The following TBL1XR1 variants were observed in gnomAD, a reference collection of about 807,000 sequenced individuals.
The protein encoded by TBL1XR1 is F-box-like/WD repeat-containing protein TBL1XR1.
In TBL1XR1, 5 loss-of-function variants were observed where a neutral mutation model predicts 66.9. The observed-to-expected ratio is 0.07, with a 90% CI of 0.04 to 0.16. The LOEUF is 0.16. Ranked by LOEUF, TBL1XR1 falls within the 10% of genes least tolerant of loss-of-function variation. The pLI, the probability that TBL1XR1 is intolerant of heterozygous loss-of-function variation, is 1.00. For synonymous variants in TBL1XR1, 210 were observed against 206.0 expected (o/e 1.02, Z -0.17); for missense variants, 238 against 623.2 (o/e 0.38, Z 6.58).
rs1034095118 is a variant in TBL1XR1, at chr3:177,112,800, C to T, written c.-121-14259G>A. ...CGGGCGGATCACGAAGTCAGGAGTTCGAAACCAGCCTGGCCAACATGGTGA... is the reference window on the plus strand; with the variant it reads ...CGGGCGGATCACGAAGTCAGGAGTTTGAAACCAGCCTGGCCAACATGGTGA... On this transcript the variant is annotated intron_variant, in intron 1 of 15. Coordinates refer to ENST00000457928, the MANE Select transcript of TBL1XR1 (RefSeq NM_024665.7). 1.2e-4 allele frequency among the ~76,000 whole-genome samples: 19 copies of T among 152,054 alleles called. No homozygotes were observed. In the South Asian group the frequency reaches 1.5e-3, roughly 12 times the overall value.
upstream of TBL1XR1, among the ~76,000 whole-genome samples, chr3:177,199,378 CCTT>C (rs369445788): frequency 3.0e-5 from 3 of 101,446 alleles, no homozygotes; most frequent in Admixed American, 9.8e-5. Context: ...ATAGTATCTT[CCTT>C]TTTTTTTTTT....
chr3:177,049,546 T>C lies in TBL1XR1; in HGVS notation c.702+451A>G, dbSNP rs142348002. ...CCTAAAAGGAAATTGGTAATAAAGT[T>C]CTACCAGTTCACAGAATACAGAGAA... On this transcript the variant is annotated intron_variant, in intron 7 of 15. Transcript: ENST00000457928. Among the ~76,000 whole-genome samples the C allele has an allele frequency of 5.2e-3, 799 of 152,274 alleles. 12 individuals are homozygous for C. The highest frequency in any genetic ancestry group is 0.019 in the African/African-American group (772 of 41,564).
chr3:177,105,388 C>T (rs993936273), intron 1 of TBL1XR1, among the ~76,000 whole-genome samples: 16 of 151,902 alleles, frequency 1.1e-4, no homozygotes, highest in African/African-American at 3.9e-4. Context: ...GAAACAGCAA[C>T]GAAGATCTAA....
chr3:177,089,804 G>T (rs1391490833), intron 2 of TBL1XR1, among the ~76,000 whole-genome samples: 1 of 152,182 alleles, frequency 6.6e-6, no homozygotes, highest in African/African-American at 2.4e-5. Flanking sequence ...GAATCTATCT[G>T]TGGAACAGTT....
intron 12 of TBL1XR1, among the ~76,000 whole-genome samples, chr3:177,034,556 A>G (rs1714496746): frequency 6.6e-6 from 1 of 152,164 alleles, no homozygotes; most frequent in Non-Finnish European, 1.5e-5. Flanking sequence ...ATTCACTATT[A>G]CAAAGTTTGA....
chr3:177,054,805 AG>A (rs1372794682), intron 3 of TBL1XR1, among the ~76,000 whole-genome samples: 1 of 152,208 alleles, frequency 6.6e-6, no homozygotes, highest in Non-Finnish European at 1.5e-5. Context: ...CCTGGTTTAT[AG>A]GTCTCCATCA....
Position 177,020,295 on chromosome 3 carries a change from TTAAATAC to T in TBL1XR1, c.*5196_*5202del, listed in dbSNP as rs1712184933. On this transcript the variant is annotated 3_prime_UTR_variant, in exon 16 of 16. Coordinates refer to ENST00000457928, the MANE Select transcript of TBL1XR1 (RefSeq NM_024665.7). ...TTCAGCTTCTGTGAAATAACGTCTT[TTAAATAC>T]AATATTTATTTTTCAAAAGAATTAA... 1 of 152,146 alleles carries T rather than the reference TTAAATAC, an allele frequency of 6.6e-6. No individual in the cohort carries two copies. 9.4% of individuals were successfully genotyped at this position (152,146 alleles called of 1,614,324 possible). A position where few individuals can be genotyped will look rare whatever the true frequency, so the allele number is the denominator to read the frequency against.
intron 1 of TBL1XR1, among the ~76,000 whole-genome samples, chr3:177,132,691 C>A (rs1233358706): frequency 6.6e-6 from 1 of 152,102 alleles, no homozygotes; most frequent in African/African-American, 2.4e-5. Flanking sequence ...GTACAAATGA[C>A]AAGAATCCAA....
upstream of TBL1XR1, chr3:177,201,624 T>C (rs913736525): frequency 3.9e-5 from 6 of 152,148 alleles, no homozygotes; most frequent in African/African-American, 1.4e-4. Flanking sequence ...TTTTAAATTG[T>C]TTACATTAGC....
chr3:177,178,035 C>T (rs12486184), intron 1 of TBL1XR1, among the ~76,000 whole-genome samples: 68,247 of 151,986 alleles, frequency 0.45, 17,240 homozygotes, highest in Non-Finnish European at 0.56. Context: ...ATAAAAGAAT[C>T]AGCTATATAA....
At chr3:177,170,321 A>G (rs1733306600) in intron 1 of TBL1XR1, among the ~76,000 whole-genome samples, 2 of 152,098 alleles carry the variant, frequency 1.3e-5, no homozygotes, top group African/African-American at 4.8e-5. Context: ...CTGTAGACCT[A>G]ACTCATAAAT....
intron 2 of TBL1XR1, among the ~76,000 whole-genome samples, chr3:177,082,081 A>C (rs892612607): frequency 2.0e-5 from 3 of 152,172 alleles, no homozygotes; most frequent in Admixed American, 1.3e-4. Flanking sequence ...CATACAACAC[A>C]ATTTTCTCTA....
At chr3:177,071,593 G>A (rs1720023273) in intron 2 of TBL1XR1, among the ~76,000 whole-genome samples, 1 of 152,066 alleles carries the variant, frequency 6.6e-6, no homozygotes, top group African/African-American at 2.4e-5. Context: ...AAGTATCAAA[G>A]TATAGTTTTA....
At chr3:177,191,531 T>C (rs886577509) in intron 1 of TBL1XR1, among the ~76,000 whole-genome samples, 4 of 152,206 alleles carry the variant, frequency 2.6e-5, no homozygotes, top group Admixed American at 6.5e-5. Flanking sequence ...AGCACCTGTA[T>C]AGTCCTGATA....
intron 2 of TBL1XR1, among the ~76,000 whole-genome samples, chr3:177,087,517 T>C (rs1237454066): frequency 6.6e-6 from 1 of 152,068 alleles, no homozygotes; most frequent in Admixed American, 6.5e-5. Context: ...AAAATAGGCA[T>C]GGTGAAGGAT....
chr3:177,097,011 C>G (rs757527755), intron 2 of TBL1XR1, among the ~76,000 whole-genome samples: 1 of 152,010 alleles, frequency 6.6e-6, no homozygotes, highest in Non-Finnish European at 1.5e-5. Context: ...AACCTTTTTT[C>G]CCCAATAGGA....
chr3:177,033,492 T>C (rs142238165), intron 13 of TBL1XR1, among the ~76,000 whole-genome samples: 1 of 152,260 alleles, frequency 6.6e-6, no homozygotes, highest in East Asian at 1.9e-4. Context: ...AACACCAAAG[T>C]GACCACATTT....
At chr3:177,083,883 T>A (rs1721769777) in intron 2 of TBL1XR1, among the ~76,000 whole-genome samples, 1 of 150,264 alleles carries the variant, frequency 6.7e-6, no homozygotes, top group Admixed American at 6.6e-5. Context: ...AGGTCAGGAG[T>A]TCGAGATCAG....
At chr3:177,106,956 A>G (rs1028783029) in intron 1 of TBL1XR1, among the ~76,000 whole-genome samples, 2 of 152,220 alleles carry the variant, frequency 1.3e-5, no homozygotes, top group Admixed American at 6.5e-5. Flanking sequence ...TTTAATTACA[A>G]CAGATTTGGA....
Sources: allele counts gnomAD v4.1 joint callset (sites outside exome capture counted in the v4.1 genomes callset), GRCh38; gene constraint gnomAD v4.1.1; transcripts MANE v1.5; gene names NCBI Gene and HGNC (gene_info 2026-07-23, HGNC 2026-07-21).